TNS3: variants seen among roughly 807,000 people sequenced by gnomAD.
TNS3 encodes the protein tensin 3.
TNS3 carries 45 observed loss-of-function variants against 140.9 expected under a neutral mutation model. That is an observed-to-expected ratio of 0.32 (90% CI 0.25 to 0.41). The LOEUF is 0.41. Ranked by LOEUF, TNS3 falls within the 10% of genes least tolerant of loss-of-function variation. The pLI is 1.00. For missense variants in TNS3, 1,716 were observed against 1,906.7 expected, an observed-to-expected ratio of 0.90 and a Z score of 1.86; for synonymous variants, 815 against 788.4, an observed-to-expected ratio of 1.03 and a Z score of -0.56.
intron 1 of TNS3, among the ~76,000 whole-genome samples, chr7:47,574,682 G>T (rs1172140427): frequency 1.3e-5 from 2 of 151,908 alleles, no homozygotes; most frequent in Non-Finnish European, 1.5e-5. Flanking sequence ...GCCTTAAAAA[G>T]AGAGAAATCG....
chr7:47,344,757 C>T lies in TNS3; in HGVS notation c.2648G>A (p.Arg883His), dbSNP rs200980382. The T allele has an allele frequency of 2.5e-4, 398 of 1,611,244 alleles. 2 individuals are homozygous for T. The Middle Eastern group carries it at 4.3e-3, about 17-fold the overall frequency. ...TGACCCGCGGGTAGATTTCTTACCA[C>T]GTCCTCCTTTGTGCTGACTGGCTGG... is the stretch of plus-strand genomic sequence containing the variant. Reference protein sequence around the residue: ...SSPASQHKGGREPRSCPETLT... With the variant: ...SSPASQHKGGHEPRSCPETLT... The change falls in exon 20 of 31, where the codon CGT (arginine) becomes CAT (histidine). Residue 883 changes from arginine to histidine, a missense_variant and splice_region_variant. Transcript: ENST00000311160.
chr7:47,280,205 A>AG lies in TNS3; in HGVS notation c.4167-16dup. On this transcript the variant is annotated splice_polypyrimidine_tract_variant and intron_variant, in intron 29 of 30. Coordinates refer to ENST00000311160, the MANE Select transcript of TNS3 (RefSeq NM_022748.12). The stretch of plus-strand genomic sequence containing the variant: ...CTTTGATCCACCTTGCAAATTAAAG[A>AG]GAAAAACAGAGGTTAATTTTTTTAA... The AG allele has an allele frequency of 6.2e-7, 1 of 1,614,200 alleles. No individual in the cohort carries two copies. Among genetic ancestry groups the AG allele is most frequent in the African/African-American group, 1.3e-5 (1 of 75,056 alleles).
chr7:47,544,272 C>G (rs116946805), intron 1 of TNS3, among the ~76,000 whole-genome samples: 5 of 151,838 alleles, frequency 3.3e-5, no homozygotes, highest in African/African-American at 9.7e-5. Flanking sequence ...GGGTGCCCAG[C>G]CCAAAAGATA....
At chr7:47,465,825 G>T (rs947546023) in intron 4 of TNS3, among the ~76,000 whole-genome samples, 1 of 151,930 alleles carries the variant, frequency 6.6e-6, no homozygotes, top group African/African-American at 2.4e-5. Context: ...TCAGGAGGCT[G>T]AGGCAGGAGA....
At chr7:47,537,966 A>ACCCCCCCCCCCCCCC (rs113842617) in intron 1 of TNS3, among the ~76,000 whole-genome samples, 91 of 126,150 alleles carry the variant, frequency 7.2e-4, no homozygotes, top group Admixed American at 8.2e-4. Flanking sequence ...CCCTCACCGC[A>ACCCCCCCCCCCCCCC]CCCCCCCCAC....
intron 20 of TNS3, among the ~76,000 whole-genome samples, chr7:47,311,967 T>G (rs1368024487): frequency 6.6e-6 from 1 of 152,236 alleles, no homozygotes; most frequent in Non-Finnish European, 1.5e-5. Flanking sequence ...ATTTCCGCAC[T>G]AATGTTTTCA....
At chr7:47,574,770 A>G (rs934311887) in intron 1 of TNS3, among the ~76,000 whole-genome samples, 1 of 152,018 alleles carries the variant, frequency 6.6e-6, no homozygotes, top group Non-Finnish European at 1.5e-5. Flanking sequence ...AAATACAAAT[A>G]CTGTATGATT....
intron 13 of TNS3, among the ~76,000 whole-genome samples, chr7:47,405,289 C>T (rs183237716): frequency 1.3e-5 from 2 of 152,252 alleles, no homozygotes; most frequent in East Asian, 3.9e-4. Flanking sequence ...ATTTACTAAG[C>T]AAAAGAGCAG....
rs546628586 is a variant in TNS3 at position 47,473,791 on chromosome 7, A to C, written c.-76+7312T>G. The stretch of plus-strand genomic sequence containing the variant: ...GGATGCTCAGCTCACTAAGCCCCAC[A>C]CCCAGTAATTTACAGGTGGAAAGTG... On this transcript the variant is annotated intron_variant, in intron 4 of 30. Transcript: ENST00000311160. Among the ~76,000 whole-genome samples, 29 of 152,244 alleles carry C rather than the reference A, an allele frequency of 1.9e-4. 1 individual carries two copies. Among genetic ancestry groups the C allele is most frequent in the African/African-American group, 7.0e-4 (29 of 41,542 alleles).
rs554583113 is a variant in TNS3 at position 47,521,519 on chromosome 7, C to A, written c.-153+7517G>T. On this transcript the variant is annotated intron_variant, in intron 2 of 30. Transcript: ENST00000311160. ...ATGCCTCCTGGGCTCCAGCTGAGGGCAGAGAATCACTGCCCCAGTGAACAT... is the reference window on the plus strand; with the variant it reads ...ATGCCTCCTGGGCTCCAGCTGAGGGAAGAGAATCACTGCCCCAGTGAACAT... Among the ~76,000 whole-genome samples the A allele has an allele frequency of 3.9e-5, 6 of 152,276 alleles. No individual in the cohort carries two copies. In the South Asian group the frequency reaches 1.2e-3, roughly 32 times the overall value.
chr7:47,342,939 T>G (rs1789102403), intron 20 of TNS3, among the ~76,000 whole-genome samples: 1 of 152,232 alleles, frequency 6.6e-6, no homozygotes, highest in Non-Finnish European at 1.5e-5. Context: ...GTCAGCACTG[T>G]GTTATCTCTG....
chr7:47,366,568 C>T (rs1451495661), intron 17 of TNS3, among the ~76,000 whole-genome samples: 1 of 152,222 alleles, frequency 6.6e-6, no homozygotes, highest in East Asian at 1.9e-4. Flanking sequence ...ACACTCAGAC[C>T]TGAAGCCAGG....
At chr7:47,306,469 C>T (rs1268294711) in intron 20 of TNS3, among the ~76,000 whole-genome samples, 1 of 152,212 alleles carries the variant, frequency 6.6e-6, no homozygotes, top group Non-Finnish European at 1.5e-5. Context: ...ATATGGTATC[C>T]CCACATATGT....
At chr7:47,481,738 G>C in intron 3 of TNS3, 11 of 984,804 alleles carry the variant, frequency 1.1e-5, no homozygotes, top group Non-Finnish European at 1.3e-5. Context: ...CCCTGGGAAA[G>C]ATAAAGAAAG....
At chr7:47,456,981 A>G (rs1349600909) in intron 4 of TNS3, among the ~76,000 whole-genome samples, 1 of 151,706 alleles carries the variant, frequency 6.6e-6, no homozygotes, top group African/African-American at 2.4e-5. Context: ...TCAGTATCAT[A>G]GTAACTTTCT....
chr7:47,482,958 G>A (rs1350155108), intron 3 of TNS3, among the ~76,000 whole-genome samples: 1 of 152,096 alleles, frequency 6.6e-6, no homozygotes. Context: ...ACTCTTTAGG[G>A]CCATGAAGCT....
chr7:47,442,249 A>G (rs1795502737), intron 4 of TNS3, among the ~76,000 whole-genome samples, 194 bp from the exon 5 acceptor site: 2 of 152,314 alleles, frequency 1.3e-5, no homozygotes, highest in South Asian at 4.1e-4. Flanking sequence ...TCACCAGAGG[A>G]CGCAGTGCCA....
chr7:47,414,721 T>C (rs895203850), intron 11 of TNS3, among the ~76,000 whole-genome samples: 1 of 152,206 alleles, frequency 6.6e-6, no homozygotes, highest in Non-Finnish European at 1.5e-5. Flanking sequence ...CAGGGGAGAC[T>C]GGGTCACATT....
At chr7:47,500,697 T>C (rs1055671906) in intron 3 of TNS3, among the ~76,000 whole-genome samples, 2 of 151,940 alleles carry the variant, frequency 1.3e-5, no homozygotes, top group Non-Finnish European at 2.9e-5. Context: ...TTGTAAAGGG[T>C]ACAAATAGGG....
Sources: gnomAD v4.1 joint callset for allele counts (sites outside exome capture counted in the v4.1 genomes callset) on GRCh38, gnomAD v4.1.1 for gene constraint, MANE v1.5 for transcripts, NCBI Gene and HGNC (gene_info 2026-07-23, HGNC 2026-07-21) for gene names.